The following STXBP3 variants were observed in gnomAD, a reference collection of about 807,000 sequenced individuals.
STXBP3 encodes the protein syntaxin binding protein 3, also known as syntaxin-binding protein 3.
In STXBP3, 41 loss-of-function variants were observed where a neutral mutation model predicts 85.7. That is an observed-to-expected ratio of 0.48 (90% CI 0.37 to 0.62). STXBP3 has a LOEUF of 0.62. STXBP3 is among the 20% of genes least tolerant of loss of function. The probability of loss-of-function intolerance (pLI) is 0.00; values close to 1 mark genes in which losing one functional copy is unlikely to be tolerated. For missense variants in STXBP3, 563 were observed against 703.1 expected (o/e 0.80, Z 2.25); for synonymous variants, 229 against 231.7 (o/e 0.99, Z 0.10).
At position 108,772,814 on chromosome 1, in the gene STXBP3, TA is replaced by T; in HGVS notation, c.592del (p.Ser198ValfsTer4). On this transcript the variant is annotated frameshift_variant, in exon 7 of 19. Coordinates refer to ENST00000370008, the MANE Select transcript of STXBP3 (RefSeq NM_007269.4). LOFTEE classifies it high-confidence loss of function. ...TGGATGAAAATCCCGGAGTAAGATATAAAAGGTAAGACACTGAGCATCTGCA... is the reference window on the plus strand; with the variant it reads ...TGGATGAAAATCCCGGAGTAAGATATAAAGGTAAGACACTGAGCATCTGCA... ...TLDENPGVRY[K>X]SKPLDNASKL... 2 of 1,591,118 alleles carry T rather than the reference TA, an allele frequency of 1.3e-6. No homozygotes were observed. Among genetic ancestry groups the T allele is most frequent in the Non-Finnish European group, 1.7e-6 (2 of 1,167,116 alleles).
rs1265489266 is a variant in STXBP3 at position 108,807,461 on chromosome 1, T to G, written c.1596T>G (p.Ile532Met). The G allele has an allele frequency of 5.6e-6, 9 of 1,613,784 alleles. No homozygotes were observed. The highest frequency in any genetic ancestry group is 1.7e-5 in the Admixed American group (1 of 59,980). ...ACCGAAAAAATGGGTCAAAGCTGAT[T>G]GTTTTTGTAATTGGAGGGATCACAT... ...LEDRKNGSKL[I>M]VFVIGGITYS... Residue 532 changes from isoleucine to methionine, a missense_variant, in exon 18 of 19, where the codon ATT (isoleucine) becomes ATG (methionine). By Grantham distance (10) the Ile-to-Met change is conservative. Coordinates refer to ENST00000370008, the MANE Select transcript of STXBP3 (RefSeq NM_007269.4).
rs1010210063 is a variant in STXBP3, at chr1:108,795,679, T to C, written c.1111-555T>C. Among the ~76,000 whole-genome samples, 4 of 152,234 alleles carry C rather than the reference T, an allele frequency of 2.6e-5. No individual in the cohort carries two copies. The South Asian group carries it at 8.3e-4, about 32-fold the overall frequency. On this transcript the variant is annotated intron_variant, in intron 13 of 18. Transcript: ENST00000370008. ...CCATTTCAAGTGTTCAGTAGTCATATGTGGCTAGTGGCCACAGTACTGGAT... is the reference window on the plus strand; with the variant it reads ...CCATTTCAAGTGTTCAGTAGTCATACGTGGCTAGTGGCCACAGTACTGGAT...
intron 1 of STXBP3, among the ~76,000 whole-genome samples, chr1:108,749,209 C>T (rs1387971400): frequency 1.3e-5 from 2 of 151,828 alleles, no homozygotes; most frequent in African/African-American, 2.4e-5. Flanking sequence ...AATAGGTGGG[C>T]GTGGGGAAAG....
intron 8 of STXBP3, 46 bp from the exon 9 acceptor site, chr1:108,779,240 C>CT (rs1301948911): frequency 1.3e-6 from 2 of 1,581,246 alleles, no homozygotes; most frequent in Non-Finnish European, 1.7e-6. Context: ...TATGTTCACA[C>CT]TAAGAAATTG....
Position 108,775,920 on chromosome 1 carries a change from AACACACAC to A in STXBP3, c.594-387_594-380del, listed in dbSNP as rs59575550. On this transcript the variant is annotated intron_variant, in intron 7 of 18. Coordinates refer to ENST00000370008, the MANE Select transcript of STXBP3 (RefSeq NM_007269.4). ...TCAATGTCAATGTAGATAAATCTCA[AACACACAC>A]ACACACACACACACACACACACACA... 5.3e-5 allele frequency among the ~76,000 whole-genome samples: 8 copies of A among 149,984 alleles called. No homozygotes were observed. The East Asian group carries it at 1.0e-3, about 19-fold the overall frequency.
chr1:108,778,511 A>T (rs1662636232), intron 8 of STXBP3, among the ~76,000 whole-genome samples: 3 of 152,186 alleles, frequency 2.0e-5, no homozygotes, highest in Admixed American at 2.0e-4. Flanking sequence ...TCTGCCTCTT[A>T]CTACCTGTGT....
chr1:108,752,229 C>T (rs1271424982), intron 1 of STXBP3, 28 bp from the exon 2 acceptor site: 7 of 1,591,304 alleles, frequency 4.4e-6, no homozygotes, highest in Non-Finnish European at 6.0e-6. Flanking sequence ...TATTTAATTC[C>T]TAAGTAATTC....
At chr1:108,789,982 ACT>A (rs1467030988) in intron 11 of STXBP3, among the ~76,000 whole-genome samples, 1 of 122,914 alleles carries the variant, frequency 8.1e-6, no homozygotes, top group African/African-American at 3.3e-5. Context: ...ACAGAGTGAG[ACT>A]CTGTCTCAAA....
intron 1 of STXBP3, among the ~76,000 whole-genome samples, chr1:108,751,434 C>T (rs1661905065): frequency 6.6e-6 from 1 of 151,810 alleles, no homozygotes. Context: ...GATAAATTTC[C>T]CAAAAGCATT....
intron 16 of STXBP3, among the ~76,000 whole-genome samples, chr1:108,798,872 C>T (rs2101135169): frequency 6.6e-6 from 1 of 152,270 alleles, no homozygotes; most frequent in Non-Finnish European, 1.5e-5. Flanking sequence ...AACAAAATAA[C>T]ATTTGTATGT....
intron 11 of STXBP3, among the ~76,000 whole-genome samples, chr1:108,783,791 G>A (rs1159286296): frequency 5.9e-5 from 9 of 152,144 alleles, no homozygotes; most frequent in Admixed American, 5.9e-4. Context: ...ATAATTGAGT[G>A]CTCTAGTTGC....
chr1:108,750,355 T>A (rs1661874098), intron 1 of STXBP3, among the ~76,000 whole-genome samples: 1 of 152,178 alleles, frequency 6.6e-6, no homozygotes, highest in Non-Finnish European at 1.5e-5. Context: ...GCTTAAATTA[T>A]GGTTAAATAT....
intron 6 of STXBP3, among the ~76,000 whole-genome samples, chr1:108,761,433 T>G (rs1185796236): frequency 6.6e-6 from 1 of 152,196 alleles, no homozygotes; most frequent in Non-Finnish European, 1.5e-5. Flanking sequence ...AAGATAAATA[T>G]AATTTTAGCC....
chr1:108,803,796 G>A (rs1277037), intron 17 of STXBP3, among the ~76,000 whole-genome samples: 43,763 of 152,102 alleles, frequency 0.29, 7,278 homozygotes, highest in East Asian at 0.77. Context: ...AGCGGTGGTA[G>A]TCTTTACAGT....
chr1:108,782,295 C>T, intron 9 of STXBP3, 127 bp from the exon 10 acceptor site: 2 of 684,560 alleles, frequency 2.9e-6, no homozygotes, highest in East Asian at 2.7e-5. Flanking sequence ...TCATTACCCC[C>T]CTAAAATAGT....
intron 6 of STXBP3, among the ~76,000 whole-genome samples, chr1:108,770,413 T>C (rs936452413): frequency 1.4e-4 from 21 of 152,182 alleles, no homozygotes; most frequent in African/African-American, 5.1e-4. Flanking sequence ...TAATGTTATC[T>C]CCTGCTGTGG....
At chr1:108,769,642 C>T (rs554552775) in intron 6 of STXBP3, among the ~76,000 whole-genome samples, 83 of 152,228 alleles carry the variant, frequency 5.5e-4, no homozygotes, top group African/African-American at 1.7e-3. Context: ...TCTTAAAAAA[C>T]TTTTAATGAT....
At position 108,760,952 on chromosome 1, in the gene STXBP3, G is replaced by A. The variant is rs186371929; in HGVS notation, c.438+867G>A. 2.8e-3 allele frequency among the ~76,000 whole-genome samples: 426 copies of A among 152,184 alleles called. 1 individual carries two copies. Among genetic ancestry groups the A allele is most frequent in the African/African-American group, 9.8e-3 (406 of 41,516 alleles). ...GAGTTTCGCTTTTGTCACCCAGGCT[G>A]GAGTGCAATGGCGCAATCTTGGCTC... is the stretch of plus-strand genomic sequence containing the variant. On this transcript the variant is annotated intron_variant, in intron 6 of 18. Coordinates refer to ENST00000370008, the MANE Select transcript of STXBP3 (RefSeq NM_007269.4).
chr1:108,760,459 T>C (rs148620079), intron 6 of STXBP3, among the ~76,000 whole-genome samples: 3 of 152,098 alleles, frequency 2.0e-5, no homozygotes, highest in Admixed American at 2.0e-4. Flanking sequence ...TTATATAATA[T>C]TATGTAAATT....
Sources: allele counts gnomAD v4.1 joint callset (sites outside exome capture counted in the v4.1 genomes callset), GRCh38; gene constraint gnomAD v4.1.1; transcripts MANE v1.5; gene names NCBI Gene and HGNC (gene_info 2026-07-23, HGNC 2026-07-21).